Variants in SMN2 observed in about 807,000 individuals in gnomAD.
SMN2 encodes the protein survival motor neuron protein.
A neutral mutation model predicts 2.8 loss-of-function variants in SMN2; 1 was observed. The observed-to-expected ratio is 0.35, with a 90% CI of 0.13 to 1.68. The LOEUF (loss-of-function observed/expected upper bound fraction) is 1.68, where lower values mean the gene tolerates loss of function less well. Ranked by LOEUF, SMN2 falls within the 40% of genes most tolerant of loss-of-function variation. SMN2 has a pLI of 0.35. For missense variants in SMN2, 12 were observed against 16.9 expected, an observed-to-expected ratio of 0.71 and a Z score of 0.51; for synonymous variants, 5 against 5.0, an observed-to-expected ratio of 0.99 and a Z score of 0.01.
At chr5:70,052,173 A>G (rs1275029727) in intron 1 of SMN2, among the ~76,000 whole-genome samples, 3 of 136,518 alleles carry the variant, frequency 2.2e-5, no homozygotes, top group Non-Finnish European at 3.3e-5. Context: ...CCTGGACGAT[A>G]TAGTGAGACT....
At chr5:70,084,385 C>T in the SMN2 span, among the ~76,000 whole-genome samples, 1 of 118,178 alleles carries the variant, frequency 8.5e-6, no homozygotes, top group Admixed American at 8.9e-5. Flanking sequence ...GACGGGGTTT[C>T]ACCATGTTGG....
downstream of SMN2, among the ~76,000 whole-genome samples, chr5:70,083,483 C>T (rs1398369531): frequency 2.2e-5 from 3 of 135,938 alleles, 1 homozygote; most frequent in African/African-American, 6.3e-5. Flanking sequence ...AATCATGCTG[C>T]TATGAAGACA....
At chr5:70,076,168 C>T (rs1409193395) in intron 7 of SMN2, among the ~76,000 whole-genome samples, 1 of 104,928 alleles carries the variant, frequency 9.5e-6, no homozygotes, top group African/African-American at 4.6e-5. Flanking sequence ...GCCACCACGC[C>T]GGCCTAATTT....
downstream of SMN2, among the ~76,000 whole-genome samples, chr5:70,079,563 A>G (rs1485426061): frequency 7.0e-5 from 10 of 141,950 alleles, no homozygotes; most frequent in African/African-American, 2.3e-4. Context: ...CAAGACCAGC[A>G]TAAGCAACAA....
At chr5:70,084,351 T>C in the SMN2 span, among the ~76,000 whole-genome samples, 1 of 94,114 alleles carries the variant, frequency 1.1e-5, no homozygotes. Flanking sequence ...CATGCCCGGC[T>C]AATTTTTGTA....
At chr5:70,079,871 C>T (rs1774831733), downstream of SMN2, among the ~76,000 whole-genome samples, 1 of 86,604 alleles carries the variant, frequency 1.2e-5, no homozygotes, top group Non-Finnish European at 2.1e-5. Flanking sequence ...AAGCTGGTCT[C>T]GAGTTCCTGG....
chr5:70,085,199 T>C, the SMN2 span, among the ~76,000 whole-genome samples: 1 of 121,878 alleles, frequency 8.2e-6, no homozygotes, highest in Non-Finnish European at 1.6e-5. Context: ...TCATGAGTTA[T>C]AGTGCTGTTG....
chr5:70,083,253 G>A (rs1394761595), downstream of SMN2, among the ~76,000 whole-genome samples: 21 of 111,366 alleles, frequency 1.9e-4, 5 homozygotes, highest in African/African-American at 7.1e-4. Context: ...GTTCTTTTAC[G>A]TTTGCTGAGG....
chr5:70,083,718 C>T, the SMN2 span, among the ~76,000 whole-genome samples: 13 of 129,964 alleles, frequency 1.0e-4, no homozygotes, highest in African/African-American at 2.4e-4. Context: ...AACCAAACAC[C>T]GCATGTTCTC....
chr5:70,080,198 G>GT (rs540893136), downstream of SMN2, among the ~76,000 whole-genome samples: 44 of 131,470 alleles, frequency 3.3e-4, 8 homozygotes, highest in African/African-American at 1.4e-3. Context: ...CGGCATGGTG[G>GT]TGGGCGCCTG....
At chr5:70,084,446 C>G in the SMN2 span, among the ~76,000 whole-genome samples, 1 of 132,432 alleles carries the variant, frequency 7.6e-6, no homozygotes, top group South Asian at 2.3e-4. Context: ...CTTGGCCTCC[C>G]AAAGTGCTGG....
downstream of SMN2, among the ~76,000 whole-genome samples, chr5:70,083,468 C>G (rs1292729643): frequency 7.4e-6 from 1 of 135,924 alleles, no homozygotes; most frequent in Non-Finnish European, 1.5e-5. Context: ...ACCCAAAGGA[C>G]TATAAATCAT....
chr5:70,076,761 T>G (rs1774768337), intron 8 of SMN2, 187 bp downstream of exon 8: 1 of 1,298,656 alleles, frequency 7.7e-7, no homozygotes, highest in South Asian at 1.5e-5. Context: ...ACATCCCTAC[T>G]AGAATTCTCA....
intron 1 of SMN2, among the ~76,000 whole-genome samples, chr5:70,052,148 G>C (rs1470366734): frequency 8.1e-6 from 1 of 123,668 alleles, no homozygotes; most frequent in African/African-American, 2.8e-5. Context: ...CCGAGATCAC[G>C]CCACTGTACT....
In SMN2 at chr5:70,076,518, C is replaced by T. The variant is rs1462781257; in HGVS notation, c.835-3C>T. 3 of 1,458,028 alleles carry T rather than the reference C, an allele frequency of 2.1e-6. 1 individual carries two copies. In the African/African-American group the frequency reaches 5.4e-5, roughly 26 times the overall value. 90.3% of individuals were successfully genotyped at this position (1,458,028 alleles called of 1,614,324 possible). On this transcript the variant is annotated splice_region_variant and splice_polypyrimidine_tract_variant and intron_variant, in intron 7 of 8. Transcript: ENST00000380743. ...TTTTTAACTTCCTTTATTTTCCTTACAGGGTTTTAGACAAAATCAAAAAGA... is the reference window on the plus strand; with the variant it reads ...TTTTTAACTTCCTTTATTTTCCTTATAGGGTTTTAGACAAAATCAAAAAGA...
At chr5:70,079,847 G>A (rs1774831369), downstream of SMN2, among the ~76,000 whole-genome samples, 1 of 74,410 alleles carries the variant, frequency 1.3e-5, no homozygotes, top group African/African-American at 8.2e-5. Context: ...GTAGTGACAT[G>A]ATCTATGTTG....
intron 6 of SMN2, among the ~76,000 whole-genome samples, chr5:70,070,434 A>G (rs1398553675): frequency 4.1e-5 from 1 of 24,452 alleles, no homozygotes; most frequent in Non-Finnish European, 8.0e-5. Flanking sequence ...AGGCTGAGGC[A>G]GGAGGATCAC....
At chr5:70,080,643 GT>G (rs1408592448), downstream of SMN2, among the ~76,000 whole-genome samples, 1 of 108,102 alleles carries the variant, frequency 9.3e-6, no homozygotes, top group Non-Finnish European at 1.8e-5. Flanking sequence ...TTTTTCATGT[GT>G]TTTTTAGCTG....
chr5:70,052,970 A>G, intron 1 of SMN2, among the ~76,000 whole-genome samples: 1 of 93,644 alleles, frequency 1.1e-5, no homozygotes, highest in African/African-American at 3.8e-5. Flanking sequence ...CACTAGTAGG[A>G]GTAAGTTGCA....
Sources: gnomAD v4.1 joint callset for allele counts (sites outside exome capture counted in the v4.1 genomes callset) on GRCh38, gnomAD v4.1.1 for gene constraint, MANE v1.5 for transcripts, NCBI Gene and HGNC (gene_info 2026-07-23, HGNC 2026-07-21) for gene names.